TULP4: variants seen among roughly 807,000 people sequenced by gnomAD.
TULP4 encodes tubby-related protein 4.
Under a neutral mutation model 129.0 loss-of-function variants are expected in TULP4, and 16 were observed. The observed-to-expected ratio is 0.12, with a 90% CI of 0.08 to 0.19. The LOEUF is 0.19. Among genes scored for constraint, TULP4 ranks in the 10% least tolerant of loss-of-function variants. The probability of loss-of-function intolerance (pLI) is 1.00; values close to 1 mark genes in which losing one functional copy is unlikely to be tolerated. For synonymous variants in TULP4, 998 were observed against 854.0 expected (o/e 1.17, Z -2.94); for missense variants, 1,842 against 2,059.1 (o/e 0.89, Z 2.04).
At chr6:158,285,593 G>A (rs769077144) in intron 1 of TULP4, among the ~76,000 whole-genome samples, 1 of 152,198 alleles carries the variant, frequency 6.6e-6, no homozygotes, top group Non-Finnish European at 1.5e-5. Context: ...GATTCTCTCT[G>A]TATGTTGGAA....
At chr6:158,453,217 C>T (rs374280804) in intron 5 of TULP4, among the ~76,000 whole-genome samples, 23 of 152,082 alleles carry the variant, frequency 1.5e-4, no homozygotes, top group Admixed American at 6.6e-4. Context: ...CCTGTAATCC[C>T]GGCACTTTGG....
intron 1 of TULP4, among the ~76,000 whole-genome samples, chr6:158,360,139 T>G (rs1342262619): frequency 6.8e-6 from 1 of 147,534 alleles, no homozygotes; most frequent in African/African-American, 2.5e-5. Flanking sequence ...AAAAAAAAAG[T>G]GAGGCTAGAG....
At chr6:158,264,612 G>A (rs535063922) in intron 1 of TULP4, among the ~76,000 whole-genome samples, 5 of 152,052 alleles carry the variant, frequency 3.3e-5, no homozygotes, top group Non-Finnish European at 5.9e-5. Flanking sequence ...AGTCCCTGAC[G>A]CTACTAGATT....
intron 1 of TULP4, among the ~76,000 whole-genome samples, chr6:158,249,848 C>T (rs1778105827): frequency 6.6e-6 from 1 of 152,132 alleles, no homozygotes; most frequent in Admixed American, 6.5e-5. Flanking sequence ...ATTAAAATGC[C>T]TTGAAAAATT....
chr6:158,429,883 C>T lies in TULP4; in HGVS notation c.529C>T (p.Pro177Ser). 6.2e-7 allele frequency: 1 copy of T among 1,613,790 alleles called. No individual in the cohort carries two copies. The stretch of plus-strand genomic sequence containing the variant: ...TCAAATTACGTGTGGCATATGGACT[C>T]CTGACGACCAACAGGTAACACTTCT... ...ESQITCGIWT[P>S]DDQQVLFGTA... Residue 177 changes from proline (P) to serine (S), a missense_variant, in exon 3 of 14, where the codon CCT becomes TCT. Physicochemically the swap from Pro to Ser is moderately conservative, Grantham distance 74. Transcript: ENST00000367097.
intron 1 of TULP4, among the ~76,000 whole-genome samples, chr6:158,360,549 C>T (rs1202617177): frequency 1.3e-5 from 2 of 152,074 alleles, no homozygotes; most frequent in African/African-American, 4.8e-5. Context: ...TAGAATGTGG[C>T]ATTTATGAAG....
At chr6:158,364,686 T>C (rs1583798385) in intron 1 of TULP4, among the ~76,000 whole-genome samples, 1 of 152,190 alleles carries the variant, frequency 6.6e-6, no homozygotes, top group East Asian at 1.9e-4. Flanking sequence ...GTTTTCTCTT[T>C]ATCCTTAATG....
At chr6:158,283,284 G>A (rs1479487295) in intron 1 of TULP4, among the ~76,000 whole-genome samples, 3 of 152,070 alleles carry the variant, frequency 2.0e-5, no homozygotes, top group Non-Finnish European at 1.5e-5. Context: ...GGTTATTGTT[G>A]TAATAAAAGA....
chr6:158,319,551 G>A (rs1388860875), intron 1 of TULP4, among the ~76,000 whole-genome samples: 2 of 151,986 alleles, frequency 1.3e-5, no homozygotes, highest in Non-Finnish European at 2.9e-5. Flanking sequence ...TAAATTGAAG[G>A]GGTCAGATCT....
chr6:158,250,603 C>T (rs1778122506), intron 1 of TULP4, among the ~76,000 whole-genome samples: 3 of 152,164 alleles, frequency 2.0e-5, no homozygotes, highest in Non-Finnish European at 4.4e-5. Flanking sequence ...GTTCTTAATT[C>T]TGAGAGCCTT....
At chr6:158,492,629 T>A in intron 9 of TULP4, among the ~76,000 whole-genome samples, 1 of 152,154 alleles carries the variant, frequency 6.6e-6, no homozygotes, top group Non-Finnish European at 1.5e-5. Context: ...TGTTGTCCTT[T>A]CCCCATTTGG....
chr6:158,311,854 T>C (rs1583731800), upstream of TULP4, among the ~76,000 whole-genome samples: 1 of 152,264 alleles, frequency 6.6e-6, no homozygotes, highest in East Asian at 1.9e-4. Context: ...GAACTCTCAT[T>C]TGTTGTGTGT....
chr6:158,237,045 G>A (rs1428036311), intron 1 of TULP4, among the ~76,000 whole-genome samples: 13 of 151,804 alleles, frequency 8.6e-5, no homozygotes, highest in Non-Finnish European at 1.5e-5. Context: ...TCCAGACCTT[G>A]TGATCTGCCC....
At chr6:158,351,741 CAG>C (rs1398742847) in intron 1 of TULP4, among the ~76,000 whole-genome samples, 13 of 72,990 alleles carry the variant, frequency 1.8e-4, no homozygotes, top group Non-Finnish European at 2.6e-4. Flanking sequence ...TTTTTTGAGA[CAG>C]AGTCTCACTC....
chr6:158,361,270 A>G (rs1434094107), intron 1 of TULP4, among the ~76,000 whole-genome samples: 1 of 152,200 alleles, frequency 6.6e-6, no homozygotes, highest in African/African-American at 2.4e-5. Flanking sequence ...TGATATCAGG[A>G]GCAGCTATTG....
intron 3 of TULP4, among the ~76,000 whole-genome samples, chr6:158,439,986 C>T (rs1025662864): frequency 7.9e-5 from 12 of 151,728 alleles, no homozygotes; most frequent in African/African-American, 2.7e-4. Flanking sequence ...GCTGGGATTA[C>T]AGGCGTGAGC....
rs1047920734 is a variant in TULP4 at position 158,381,318 on chromosome 6, T to C, written c.253-31747T>C. ...ATTTTGGATTTTAGAAGGTGTATGC[T>C]ACACATACCATAGAGTATGAAAGAC... is the stretch of plus-strand genomic sequence containing the variant. On this transcript the variant is annotated intron_variant, in intron 1 of 13. Coordinates refer to ENST00000367097, the MANE Select transcript of TULP4 (RefSeq NM_020245.5). Among the ~76,000 whole-genome samples the C allele has an allele frequency of 1.1e-4, 17 of 152,130 alleles. 1 individual carries two copies. Among genetic ancestry groups the C allele is most frequent in the Admixed American group, 1.1e-3 (17 of 15,274 alleles).
chr6:158,503,254 C>A lies in TULP4; in HGVS notation c.3591C>A (p.Asn1197Lys). Residue 1197 changes from asparagine to lysine, a missense_variant, in exon 13 of 14, where the codon AAC becomes AAA. Physicochemically the swap from Asn to Lys is moderately conservative, Grantham distance 94 (BLOSUM62 0). Around this residue, in one of 5 missense-constraint regions of TULP4, gnomAD observed 1,089 missense variants for 987.1 expected, o/e 1.10. Transcript: ENST00000367097. The surrounding 1 kb of genome is among the most constrained non-coding windows in gnomAD (Gnocchi z 4.3). ...TGCCATATCCAGGAAGCTATAACAA[C>A]CCCCCTTTGCCTGGAGTGCAGGCTC... ...MGVPYPGSYNNPPLPGVQAPC... is the reference protein window; with the variant it reads ...MGVPYPGSYNKPPLPGVQAPC... The A allele has an allele frequency of 6.2e-7, 1 of 1,614,006 alleles. No homozygotes were observed. The highest frequency in any genetic ancestry group is 2.2e-5 in the East Asian group (1 of 44,852).
At chr6:158,255,135 C>T (rs923541047) in intron 1 of TULP4, among the ~76,000 whole-genome samples, 1 of 152,126 alleles carries the variant, frequency 6.6e-6, no homozygotes, top group African/African-American at 2.4e-5. Flanking sequence ...CCCTCACCCC[C>T]ACCCTGTGGC....
Sources: gnomAD v4.1 joint callset for allele counts (sites outside exome capture counted in the v4.1 genomes callset) on GRCh38, gnomAD v4.1.1 for gene constraint, gnomAD v4.1.1 regional missense constraint, Gnocchi (gnomAD v3.1) non-coding constraint, MANE v1.5 for transcripts, NCBI Gene and HGNC (gene_info 2026-07-23, HGNC 2026-07-21) for gene names.